The following DNM3 variants were observed in gnomAD, a reference collection of about 807,000 sequenced individuals.
DNM3 encodes the protein dynamin 3, also known as dynamin-3.
DNM3 carries 47 observed loss-of-function variants against 101.6 expected under a neutral mutation model. The ratio of observed to expected loss-of-function variants is 0.46; its 90% CI spans 0.37 to 0.59. DNM3 has a LOEUF of 0.59. Among genes scored for constraint, DNM3 ranks in the 20% least tolerant of loss-of-function variants. The probability of loss-of-function intolerance (pLI) is 0.00; values close to 1 mark genes in which losing one functional copy is unlikely to be tolerated. For synonymous variants in DNM3, 385 were observed against 387.9 expected (o/e 0.99, Z 0.09); for missense variants, 849 against 1,085.7 (o/e 0.78, Z 3.06).
At chr1:171,842,404 C>T (rs534647230) in intron 1 of DNM3, among the ~76,000 whole-genome samples, 2 of 152,270 alleles carry the variant, frequency 1.3e-5, no homozygotes, top group South Asian at 4.1e-4. Flanking sequence ...AGAAAGACGT[C>T]GTTTGTTGTG....
intron 14 of DNM3, among the ~76,000 whole-genome samples, chr1:172,247,772 C>A (rs1344729934): frequency 3.3e-5 from 5 of 151,852 alleles, no homozygotes; most frequent in African/African-American, 9.7e-5. Context: ...GCAACTTCTG[C>A]CTCCTGGGTT....
chr1:171,915,502 G>A (rs1165684718), intron 1 of DNM3, among the ~76,000 whole-genome samples: 1 of 152,182 alleles, frequency 6.6e-6, no homozygotes, highest in Non-Finnish European at 1.5e-5. Context: ...CTTGGAGCAT[G>A]AGGATAGAGG....
intron 13 of DNM3, among the ~76,000 whole-genome samples, chr1:172,113,181 T>C (rs2055611283): frequency 6.6e-6 from 1 of 152,184 alleles, no homozygotes; most frequent in Non-Finnish European, 1.5e-5. Flanking sequence ...AGTAAAAAAT[T>C]ATATTCAGAA....
At chr1:172,033,370 C>T (rs557267803) in intron 6 of DNM3, 105 bp downstream of exon 6, 2 of 1,219,772 alleles carry the variant, frequency 1.6e-6, no homozygotes, top group Admixed American at 5.8e-5. Context: ...CAAAACAAGA[C>T]ATGCAGCTTC....
chr1:172,216,502 A>C (rs1179962124), intron 14 of DNM3, among the ~76,000 whole-genome samples: 1 of 152,132 alleles, frequency 6.6e-6, no homozygotes, highest in African/African-American at 2.4e-5. Flanking sequence ...TAGATAAAAG[A>C]CTTCAATTTA....
intron 1 of DNM3, among the ~76,000 whole-genome samples, chr1:171,906,765 GAA>G (rs2038871726): frequency 6.6e-6 from 1 of 152,074 alleles, no homozygotes; most frequent in Admixed American, 6.6e-5. Context: ...CATCACGAAG[GAA>G]AAGAGGTTAC....
chr1:172,038,941 T>TC (rs386368743), intron 7 of DNM3, among the ~76,000 whole-genome samples: 48 of 151,866 alleles, frequency 3.2e-4, no homozygotes, highest in African/African-American at 1.1e-3. Flanking sequence ...CTGTAGTTTT[T>TC]TTTTTTCCTT....
At chr1:172,148,578 G>A (rs540892014) in intron 14 of DNM3, among the ~76,000 whole-genome samples, 9 of 152,176 alleles carry the variant, frequency 5.9e-5, no homozygotes, top group Middle Eastern at 3.4e-3. Flanking sequence ...GCCTTCTAAT[G>A]TTCTGGAAGC....
chr1:172,318,188 C>G (rs575227676), intron 16 of DNM3, among the ~76,000 whole-genome samples: 4 of 152,124 alleles, frequency 2.6e-5, no homozygotes, highest in Non-Finnish European at 2.9e-5. Flanking sequence ...ATTCAACAGC[C>G]CTTCAGGCTA....
chr1:172,106,844 A>ATTTTTTTTTT (rs1289662689), intron 13 of DNM3, among the ~76,000 whole-genome samples: 12 of 51,030 alleles, frequency 2.4e-4, no homozygotes, highest in Admixed American at 7.1e-4. Context: ...AGGTAACATT[A>ATTTTTTTTTT]TTCTTTTTTT....
rs150187016 is a variant in DNM3 at position 171,916,787 on chromosome 1, C to T, written c.162-4961C>T. Among the ~76,000 whole-genome samples the T allele has an allele frequency of 4.9e-4, 74 of 152,232 alleles. 1 individual carries two copies. The highest frequency in any genetic ancestry group is 1.7e-3 in the African/African-American group (70 of 41,546). ...ACAGAAAATAGACAAACACAAACTA[C>T]CAGTAAAGACCTCTGAGGTCTGTTC... On this transcript the variant is annotated intron_variant, in intron 1 of 20. Transcript: ENST00000627582.
Position 171,960,744 on chromosome 1 carries a change from T to A in DNM3, c.236-26912T>A, listed in dbSNP as rs116712740. Among the ~76,000 whole-genome samples, 367 of 152,256 alleles carry A rather than the reference T, an allele frequency of 2.4e-3. 7 individuals are homozygous for A. The highest frequency in any genetic ancestry group is 7.9e-3 in the African/African-American group (328 of 41,558). On this transcript the variant is annotated intron_variant, in intron 2 of 20. Transcript: ENST00000627582. The stretch of plus-strand genomic sequence containing the variant: ...ACAATCCTGGCAGTCCCAAGAGCCA[T>A]GAGCTCAGGGGCCCAGGCAGAGTTC...
At chr1:172,258,457 G>C (rs1332144910) in intron 15 of DNM3, among the ~76,000 whole-genome samples, 1 of 151,798 alleles carries the variant, frequency 6.6e-6, no homozygotes, top group Non-Finnish European at 1.5e-5. Context: ...ATTATTGGTT[G>C]GTTCAGGTTT....
downstream of DNM3, among the ~76,000 whole-genome samples, chr1:172,414,298 A>C (rs2071350685): frequency 1.3e-5 from 2 of 152,242 alleles, no homozygotes; most frequent in South Asian, 4.1e-4. Flanking sequence ...ATATTGGCTA[A>C]AACTACAACC....
intron 4 of DNM3, among the ~76,000 whole-genome samples, chr1:171,999,915 G>A (rs1426675385): frequency 6.6e-6 from 1 of 152,082 alleles, no homozygotes; most frequent in African/African-American, 2.4e-5. Flanking sequence ...TAGAGGCTTT[G>A]GAGGGAGTCA....
intron 7 of DNM3, among the ~76,000 whole-genome samples, chr1:172,040,959 G>A (rs1221163959): frequency 6.6e-6 from 1 of 152,094 alleles, no homozygotes; most frequent in African/African-American, 2.4e-5. Flanking sequence ...TGAAGAGGCA[G>A]CCAAAGCCAG....
intron 11 of DNM3, among the ~76,000 whole-genome samples, chr1:172,071,086 CAT>C (rs56255511): frequency 0.31 from 20,328 of 64,760 alleles, 2,727 homozygotes; most frequent in South Asian, 0.4. Flanking sequence ...CAAGACCCTG[CAT>C]ATATATATAT....
chr1:171,945,789 T>A (rs1040930853), intron 2 of DNM3, among the ~76,000 whole-genome samples: 1 of 152,086 alleles, frequency 6.6e-6, no homozygotes, highest in East Asian at 1.9e-4. Flanking sequence ...CTACTTCATA[T>A]AGGGTGATCA....
chr1:172,363,069 T>C (rs1258128972), intron 17 of DNM3, among the ~76,000 whole-genome samples: 1 of 151,914 alleles, frequency 6.6e-6, no homozygotes. Flanking sequence ...CTCTTTCTTG[T>C]TTCATTCCAT....
Sources: allele counts gnomAD v4.1 joint callset (sites outside exome capture counted in the v4.1 genomes callset), GRCh38; gene constraint gnomAD v4.1.1; transcripts MANE v1.5; gene names NCBI Gene and HGNC (gene_info 2026-07-23, HGNC 2026-07-21).